The following C12orf42 variants were observed in gnomAD, a reference collection of about 807,000 sequenced individuals.
The protein encoded by C12orf42 is uncharacterized protein C12orf42.
A neutral mutation model predicts 21.6 loss-of-function variants in C12orf42; 25 were observed. That is an observed-to-expected ratio of 1.16 (90% CI 0.84 to 1.62). The LOEUF is 1.62. C12orf42 is among the 40% of genes most tolerant of loss of function. C12orf42 has a pLI of 0.00. For synonymous variants in C12orf42, 174 were observed against 175.0 expected, an observed-to-expected ratio of 0.99 and a Z score of 0.05; for missense variants, 483 against 459.3, an observed-to-expected ratio of 1.05 and a Z score of -0.47.
At chr12:103,497,751 G>T (rs571294863), upstream of C12orf42, among the ~76,000 whole-genome samples, 12 of 152,158 alleles carry the variant, frequency 7.9e-5, no homozygotes, top group Non-Finnish European at 1.6e-4. Context: ...GAAAGAAAAG[G>T]CTGGGCACGG....
At chr12:103,459,666 G>A (rs1463017177) in intron 2 of C12orf42, among the ~76,000 whole-genome samples, 3 of 152,108 alleles carry the variant, frequency 2.0e-5, no homozygotes, top group Non-Finnish European at 2.9e-5. Context: ...ATGCAAAAAT[G>A]GCCTAACACA....
chr12:103,376,328 C>T (rs889309245), intron 3 of C12orf42, among the ~76,000 whole-genome samples: 2 of 152,130 alleles, frequency 1.3e-5, no homozygotes, highest in Non-Finnish European at 2.9e-5. Flanking sequence ...ACCGCATGTT[C>T]TCACTCATAA....
the C12orf42 span, among the ~76,000 whole-genome samples, chr12:103,093,556 G>T: frequency 1.3e-5 from 2 of 152,110 alleles, no homozygotes; most frequent in Non-Finnish European, 2.9e-5. Flanking sequence ...TGGAGGGAAA[G>T]GTGAGAGGAA....
At chr12:103,383,666 A>G (rs1053622725) in intron 3 of C12orf42, among the ~76,000 whole-genome samples, 1 of 152,234 alleles carries the variant, frequency 6.6e-6, no homozygotes, top group Non-Finnish European at 1.5e-5. Context: ...TAAGCAAATA[A>G]CTGGGAGTAT....
At position 103,401,892 on chromosome 12, in the gene C12orf42, G is replaced by A. The variant is rs77844774; in HGVS notation, c.79-217C>T. On this transcript the variant is annotated intron_variant, in intron 2 of 5. Coordinates refer to ENST00000548883, the MANE Select transcript of C12orf42 (RefSeq NM_198521.5). ...CACCTCCCATCCTCAAGAGTCCAGA[G>A]GAAGCCACAGGTATTAACGAAATAA... Among the ~76,000 whole-genome samples the A allele has an allele frequency of 1.1e-3, 170 of 152,190 alleles. 1 individual carries two copies. The East Asian group carries it at 0.03, about 27-fold the overall frequency.
At chr12:103,088,591 C>T in the C12orf42 span, among the ~76,000 whole-genome samples, 7 of 152,226 alleles carry the variant, frequency 4.6e-5, no homozygotes, top group Non-Finnish European at 1.0e-4. Context: ...TGGGTTTTCT[C>T]CTCCTGGGAT....
chr12:103,544,073 A>T, the C12orf42 span, among the ~76,000 whole-genome samples: 1 of 150,608 alleles, frequency 6.6e-6, no homozygotes, highest in Non-Finnish European at 1.5e-5. Flanking sequence ...TTGTTTTTAT[A>T]TTTTTTTTAG....
the C12orf42 span, among the ~76,000 whole-genome samples, chr12:103,542,527 G>A: frequency 6.6e-6 from 1 of 152,346 alleles, no homozygotes; most frequent in East Asian, 1.9e-4. Flanking sequence ...GAAACCCTTT[G>A]TGATCTGGCA....
chr12:103,411,387 T>G (rs949955082), intron 2 of C12orf42, among the ~76,000 whole-genome samples: 4 of 152,322 alleles, frequency 2.6e-5, no homozygotes, highest in African/African-American at 9.6e-5. Context: ...TTTCATTTGA[T>G]ATAATGTTGT....
At chr12:103,524,006 A>G in the C12orf42 span, among the ~76,000 whole-genome samples, 1 of 152,158 alleles carries the variant, frequency 6.6e-6, no homozygotes, top group Non-Finnish European at 1.5e-5. Flanking sequence ...GGTAAAGCAT[A>G]GTCATTATCC....
chr12:103,409,699 G>A (rs144259529), intron 2 of C12orf42, among the ~76,000 whole-genome samples: 12 of 152,182 alleles, frequency 7.9e-5, no homozygotes, highest in South Asian at 2.1e-4. Context: ...TTTAAGATGA[G>A]TATGCAGATA....
chr12:103,195,366 T>C, the C12orf42 span, among the ~76,000 whole-genome samples: 25 of 152,112 alleles, frequency 1.6e-4, no homozygotes, highest in Non-Finnish European at 1.5e-4. Context: ...TGAGGAATTG[T>C]CAAACTGCTT....
intron 3 of C12orf42, among the ~76,000 whole-genome samples, chr12:103,376,832 TATAA>T (rs2045740863): frequency 6.6e-6 from 1 of 152,274 alleles, no homozygotes; most frequent in African/African-American, 2.4e-5. Flanking sequence ...CTTGCAATTC[TATAA>T]ATATTTTTTC....
chr12:103,498,001 C>T (rs1955613121), upstream of C12orf42, among the ~76,000 whole-genome samples: 1 of 151,696 alleles, frequency 6.6e-6, no homozygotes, highest in Admixed American at 6.6e-5. Context: ...CGCCACTTCA[C>T]TCCAGCCTGG....
At chr12:103,517,599 A>AT in the C12orf42 span, among the ~76,000 whole-genome samples, 589 of 151,734 alleles carry the variant, frequency 3.9e-3, 2 homozygotes, top group Admixed American at 5.2e-3. Flanking sequence ...TTCTTTTCTG[A>AT]TTTTTTTTTA....
At chr12:103,137,171 A>C in the C12orf42 span, among the ~76,000 whole-genome samples, 1 of 152,180 alleles carries the variant, frequency 6.6e-6, no homozygotes, top group South Asian at 2.1e-4. Flanking sequence ...CAAACAACTC[A>C]ACAGTAAAAA....
Position 103,342,704 on chromosome 12 carries a change from T to TA in C12orf42, c.259+26182dup, listed in dbSNP as rs1412801702. Among the ~76,000 whole-genome samples the TA allele has an allele frequency of 7.5e-5, 10 of 133,670 alleles. No homozygotes were observed. In the East Asian group the frequency reaches 2.4e-3, roughly 33 times the overall value. The allele number at this position is 133,670 out of a possible 152,430, so 87.7% of individuals were successfully genotyped here. ...CTTTCTACAAAAACAAGCCCACTCT[T>TA]AAGCAAAACTTCATGACGGAAGCTA... On this transcript the variant is annotated intron_variant, in intron 4 of 5. Transcript: ENST00000548883.
At chr12:103,345,041 T>G (rs978938926) in intron 4 of C12orf42, among the ~76,000 whole-genome samples, 6 of 152,190 alleles carry the variant, frequency 3.9e-5, no homozygotes, top group African/African-American at 1.4e-4. Flanking sequence ...GAGTTAGGTT[T>G]GAGTCTCTGA....
At chr12:103,063,122 G>A in the C12orf42 span, among the ~76,000 whole-genome samples, 278 of 152,276 alleles carry the variant, frequency 1.8e-3, no homozygotes, top group Non-Finnish European at 3.2e-3. Flanking sequence ...TATGTGTGGA[G>A]AACCAAAGAT....
Sources: allele counts gnomAD v4.1 joint callset (sites outside exome capture counted in the v4.1 genomes callset), GRCh38; gene constraint gnomAD v4.1.1; transcripts MANE v1.5; gene names NCBI Gene and HGNC (gene_info 2026-07-23, HGNC 2026-07-21).